The following SUCLG1 variants were observed in gnomAD, a reference collection of about 807,000 sequenced individuals.
The protein encoded by SUCLG1 is succinate--CoA ligase [ADP/GDP-forming] subunit alpha, mitochondrial.
A neutral mutation model predicts 37.3 loss-of-function variants in SUCLG1; 26 were observed. The observed-to-expected ratio is 0.70, with a 90% CI of 0.51 to 0.97. SUCLG1 has a LOEUF of 0.97. Ranked by LOEUF, SUCLG1 falls within the 50% of genes least tolerant of loss-of-function variation. The pLI is 0.00. For missense variants in SUCLG1, 433 were observed against 432.9 expected (o/e 1.00, Z 0.00); for synonymous variants, 163 against 155.6 (o/e 1.05, Z -0.36).
chr2:84,429,119 A>G (rs528201536), intron 7 of SUCLG1, among the ~76,000 whole-genome samples: 1 of 152,356 alleles, frequency 6.6e-6, no homozygotes, highest in Non-Finnish European at 1.5e-5. Context: ...CAAGTATTAC[A>G]CTAGGCATTT....
chr2:84,455,201 A>C (rs577392041), intron 1 of SUCLG1, among the ~76,000 whole-genome samples: 12 of 152,202 alleles, frequency 7.9e-5, no homozygotes, highest in Non-Finnish European at 1.8e-4. Flanking sequence ...TATTTCATCA[A>C]ATATAAAACA....
rs1672936938 is a variant in SUCLG1, at chr2:84,451,277, TCATA to T, written c.98-1529_98-1526del. ...CTCCCATTGCATCTTCAACAAATGC[TCATA>T]TCATATCATATCATATCATACCATA... On this transcript the variant is annotated intron_variant, in intron 1 of 8. Transcript: ENST00000393868. Among the ~76,000 whole-genome samples, 4 of 133,062 alleles carry T rather than the reference TCATA, an allele frequency of 3.0e-5. No homozygotes were observed. In the East Asian group the frequency reaches 9.1e-4, roughly 30 times the overall value. The allele number at this position is 133,062 out of a possible 152,430, so 87.3% of individuals were successfully genotyped here. A position where few individuals can be genotyped will look rare whatever the true frequency, so the allele number is the denominator to read the frequency against.
chr2:84,434,502 T>C (rs1672656531), intron 5 of SUCLG1, among the ~76,000 whole-genome samples: 1 of 152,196 alleles, frequency 6.6e-6, no homozygotes, highest in South Asian at 2.1e-4. Context: ...GACAGTTAGA[T>C]GTCTTCTCTT....
chr2:84,449,754 T>C lies in SUCLG1; in HGVS notation c.98-2A>G. 1.1e-6 allele frequency: 1 copy of C among 924,056 alleles called. No individual in the cohort carries two copies. The highest frequency in any genetic ancestry group is 1.6e-6 in the Non-Finnish European group (1 of 634,166). 57.2% of individuals were successfully genotyped at this position (924,056 alleles called of 1,614,324 possible). A position where few individuals can be genotyped will look rare whatever the true frequency, so the allele number is the denominator to read the frequency against. ...AATGCCGAATTCCATTCTGCGGCAC[T>C]AAGAGGTTAAAAAAAAAAAAAAAAA... is the stretch of plus-strand genomic sequence containing the variant. On this transcript the variant is annotated splice_acceptor_variant, in intron 1 of 8. Coordinates refer to ENST00000393868, the MANE Select transcript of SUCLG1 (RefSeq NM_003849.4). LOFTEE classifies it high-confidence loss of function.
At chr2:84,429,839 AG>A (rs895899707) in intron 7 of SUCLG1, among the ~76,000 whole-genome samples, 2 of 152,108 alleles carry the variant, frequency 1.3e-5, no homozygotes, top group Non-Finnish European at 2.9e-5. Flanking sequence ...CTAAGAGTAA[AG>A]GGGGGTGGTT....
At chr2:84,428,176 T>C (rs546611185) in intron 7 of SUCLG1, among the ~76,000 whole-genome samples, 1 of 152,280 alleles carries the variant, frequency 6.6e-6, no homozygotes, top group African/African-American at 2.4e-5. Context: ...ACTTAACTTT[T>C]AAGATCTGAC....
intron 6 of SUCLG1, 88 bp from the exon 7 acceptor site, chr2:84,431,747 T>C: frequency 1.5e-6 from 2 of 1,371,306 alleles, no homozygotes; most frequent in Non-Finnish European, 2.1e-6. Flanking sequence ...TAGTTTGTCA[T>C]TTTTCTTACC....
At chr2:84,425,752 C>A in intron 7 of SUCLG1, 149 bp from the exon 8 acceptor site, 2 of 837,222 alleles carry the variant, frequency 2.4e-6, no homozygotes, top group East Asian at 2.6e-5. Flanking sequence ...AATATTAAAC[C>A]ATGATTGAAA....
intron 8 of SUCLG1, among the ~76,000 whole-genome samples, chr2:84,424,733 G>C (rs897082322): frequency 1.3e-5 from 2 of 151,994 alleles, no homozygotes; most frequent in African/African-American, 4.8e-5. Context: ...GAGGGAGAGA[G>C]AGCCTTAAAT....
At chr2:84,457,603 C>A (rs1433834447) in intron 1 of SUCLG1, among the ~76,000 whole-genome samples, 1 of 152,182 alleles carries the variant, frequency 6.6e-6, no homozygotes, top group Admixed American at 6.5e-5. Context: ...AGGCTAGGAT[C>A]TTTCAGAACC....
chr2:84,448,170 G>GAAAAAA (rs60206307), intron 2 of SUCLG1, among the ~76,000 whole-genome samples: 6 of 137,642 alleles, frequency 4.4e-5, no homozygotes, highest in East Asian at 2.1e-4. Flanking sequence ...AGTTATTTCA[G>GAAAAAA]AAAAAAAAAA....
chr2:84,448,170 G>GAAAAAAAAAAAAAAA (rs60206307), intron 2 of SUCLG1, among the ~76,000 whole-genome samples: 1 of 137,710 alleles, frequency 7.3e-6, no homozygotes, highest in African/African-American at 2.7e-5. Flanking sequence ...AGTTATTTCA[G>GAAAAAAAAAAAAAAA]AAAAAAAAAA....
At chr2:84,426,801 C>T (rs1211114519) in intron 7 of SUCLG1, 3 of 152,058 alleles carry the variant, frequency 2.0e-5, no homozygotes. Context: ...AAAGGCAGAA[C>T]TTGAGCACAA....
chr2:84,454,621 C>CA (rs1424552754), intron 1 of SUCLG1, among the ~76,000 whole-genome samples: 37 of 147,842 alleles, frequency 2.5e-4, no homozygotes, highest in Admixed American at 3.4e-4. Flanking sequence ...AAACATTGCA[C>CA]AAAAAAAAAC....
chr2:84,424,584 G>C (rs1312910667), intron 8 of SUCLG1, among the ~76,000 whole-genome samples: 1 of 152,118 alleles, frequency 6.6e-6, no homozygotes, highest in African/African-American at 2.4e-5. Context: ...ACCAAATCAG[G>C]ATTTTGAAAT....
chr2:84,446,036 C>T (rs1464933592), intron 2 of SUCLG1, among the ~76,000 whole-genome samples: 2 of 152,268 alleles, frequency 1.3e-5, no homozygotes, highest in African/African-American at 4.8e-5. Flanking sequence ...CATGGCCTCA[C>T]TGTGCCCTCT....
intron 2 of SUCLG1, among the ~76,000 whole-genome samples, chr2:84,446,678 A>T (rs190571480): frequency 6.6e-5 from 10 of 152,326 alleles, no homozygotes; most frequent in Non-Finnish European, 8.8e-5. Context: ...GATAAGAGGA[A>T]AAAGAAAAAC....
At chr2:84,453,725 G>C (rs962437865) in intron 1 of SUCLG1, among the ~76,000 whole-genome samples, 2 of 152,180 alleles carry the variant, frequency 1.3e-5, no homozygotes, top group Non-Finnish European at 2.9e-5. Context: ...CCGAAAATAA[G>C]TATTTTAAAT....
At position 84,441,089 on chromosome 2, in the gene SUCLG1, T is replaced by C; in HGVS notation, c.547A>G (p.Ile183Val). ...TGAATATGGCCAGGCATGATGCCAA[T>C]TTTACATTCTCCAGGCTGAAAGTAA... ...PGVINPGECK[I>V]GIMPGHIHKK... The change falls in exon 5 of 9, where the codon ATT (isoleucine) becomes GTT (valine). Residue 183 changes from isoleucine to valine, a missense_variant. By Grantham distance (29) the Ile-to-Val change is conservative (BLOSUM62 3). Transcript: ENST00000393868. The C allele has an allele frequency of 6.2e-7, 1 of 1,614,148 alleles. No homozygotes were observed. The highest frequency in any genetic ancestry group is 8.5e-7 in the Non-Finnish European group (1 of 1,180,022).
Sources: gnomAD v4.1 joint callset for allele counts (sites outside exome capture counted in the v4.1 genomes callset) on GRCh38, gnomAD v4.1.1 for gene constraint, MANE v1.5 for transcripts, NCBI Gene and HGNC (gene_info 2026-07-23, HGNC 2026-07-21) for gene names.